SRRM4: variants seen among roughly 807,000 people sequenced by gnomAD.
SRRM4 encodes the protein serine/arginine repetitive matrix protein 4.
A neutral mutation model predicts 68.9 loss-of-function variants in SRRM4; 33 were observed. That is an observed-to-expected ratio of 0.48 (90% CI 0.36 to 0.64). The LOEUF is 0.64. SRRM4 is among the 30% of genes least tolerant of loss of function. The pLI is 0.00. For missense variants in SRRM4, 817 were observed against 827.1 expected (o/e 0.99, Z 0.15); for synonymous variants, 318 against 318.8 (o/e 1.00, Z 0.03).
chr12:119,094,427 T>C (rs762260899), intron 1 of SRRM4, among the ~76,000 whole-genome samples: 1 of 152,162 alleles, frequency 6.6e-6, no homozygotes, highest in Non-Finnish European at 1.5e-5. Context: ...AGGTGACCCA[T>C]GCACATGAAG....
At chr12:119,117,707 G>A (rs554645288) in intron 4 of SRRM4, among the ~76,000 whole-genome samples, 2 of 152,158 alleles carry the variant, frequency 1.3e-5, no homozygotes, top group South Asian at 2.1e-4. Context: ...AGGTCAGGAG[G>A]TCGAGACCAT....
intron 1 of SRRM4, among the ~76,000 whole-genome samples, chr12:119,032,300 G>T (rs527830120): frequency 1.3e-5 from 2 of 152,232 alleles, no homozygotes; most frequent in South Asian, 4.2e-4. Flanking sequence ...AATTCCGAGA[G>T]AAATTGTAAG....
chr12:119,060,270 C>T (rs1267104733), intron 1 of SRRM4, among the ~76,000 whole-genome samples: 5 of 151,390 alleles, frequency 3.3e-5, no homozygotes, highest in African/African-American at 9.7e-5. Context: ...TTACTCACTT[C>T]GGTGGACAGA....
chr12:119,039,792 C>T (rs530082948), intron 1 of SRRM4, among the ~76,000 whole-genome samples: 1 of 152,272 alleles, frequency 6.6e-6, no homozygotes, highest in East Asian at 1.9e-4. Flanking sequence ...GGACATTTGC[C>T]TTTGATACCT....
chr12:119,140,580 C>T (rs1954359026), intron 8 of SRRM4, among the ~76,000 whole-genome samples: 2 of 152,258 alleles, frequency 1.3e-5, no homozygotes, highest in African/African-American at 4.8e-5. Context: ...AACAAAGTCA[C>T]TATGCAGGCT....
At chr12:119,094,712 C>T (rs1592895829) in intron 1 of SRRM4, among the ~76,000 whole-genome samples, 1 of 152,358 alleles carries the variant, frequency 6.6e-6, no homozygotes, top group Non-Finnish European at 1.5e-5. Context: ...GTTAGGTGCC[C>T]TCTCTGTGGG....
intron 1 of SRRM4, among the ~76,000 whole-genome samples, chr12:119,002,237 T>A (rs990516171): frequency 3.0e-4 from 45 of 150,432 alleles, no homozygotes; most frequent in Middle Eastern, 3.4e-3. Context: ...AAAAAAAAAA[T>A]TTTTTTTCAA....
intron 8 of SRRM4, among the ~76,000 whole-genome samples, chr12:119,145,032 T>G (rs1341682214): frequency 3.3e-5 from 5 of 152,186 alleles, no homozygotes; most frequent in Non-Finnish European, 7.3e-5. Context: ...TGTTTTAGGT[T>G]AAGGGTGTTT....
chr12:119,057,012 A>C (rs79007699), intron 1 of SRRM4, among the ~76,000 whole-genome samples: 1,763 of 152,244 alleles, frequency 0.012, 36 homozygotes, highest in African/African-American at 0.041. Flanking sequence ...AAGCAACATT[A>C]CTCCCATTCA....
intron 1 of SRRM4, among the ~76,000 whole-genome samples, chr12:119,087,484 T>G (rs1045672711): frequency 6.6e-6 from 1 of 152,170 alleles, no homozygotes; most frequent in Non-Finnish European, 1.5e-5. Context: ...TTTATTGGAA[T>G]GAGAAATGAA....
rs528940459 is a variant in SRRM4 at position 119,081,982 on chromosome 12, A to G, written c.132-20254A>G. Among the ~76,000 whole-genome samples, 116 of 152,298 alleles carry G rather than the reference A, an allele frequency of 7.6e-4. 1 individual carries two copies. Among genetic ancestry groups the G allele is most frequent in the Admixed American group, 1.1e-3 (17 of 15,300 alleles). On this transcript the variant is annotated intron_variant, in intron 1 of 12. Coordinates refer to ENST00000267260, the MANE Select transcript of SRRM4 (RefSeq NM_194286.4). ...TCTCAAATTTTAGTCTTTAATAATCATTAGTAGCAAAGCCATGACAGAGCT... is the reference window on the plus strand; with the variant it reads ...TCTCAAATTTTAGTCTTTAATAATCGTTAGTAGCAAAGCCATGACAGAGCT...
At chr12:119,040,586 T>C (rs2136011344) in intron 1 of SRRM4, among the ~76,000 whole-genome samples, 1 of 152,340 alleles carries the variant, frequency 6.6e-6, no homozygotes, top group East Asian at 1.9e-4. Context: ...AGTTTCTTTA[T>C]CCATTCGTTG....
intron 1 of SRRM4, among the ~76,000 whole-genome samples, chr12:119,041,835 A>C (rs369595426): frequency 1.6e-4 from 24 of 152,158 alleles, no homozygotes; most frequent in African/African-American, 5.6e-4. Context: ...GGTGATGAGC[A>C]TTCTCAGTGA....
chr12:118,982,239 C>T lies in SRRM4; in HGVS notation c.131+226C>T, dbSNP rs1053040946. Among the ~76,000 whole-genome samples the T allele has an allele frequency of 1.9e-4, 29 of 152,254 alleles. 1 individual carries two copies. Among genetic ancestry groups the T allele is most frequent in the Non-Finnish European group, 3.4e-4 (23 of 68,024 alleles). On this transcript the variant is annotated intron_variant, in intron 1 of 12. Coordinates refer to ENST00000267260, the MANE Select transcript of SRRM4 (RefSeq NM_194286.4). The stretch of plus-strand genomic sequence containing the variant: ...GGGAAAGCAACGCTTATTGGACCCC[C>T]GTAGCTCCTATTCAAGAGGTTTTGC...
At chr12:118,991,301 A>G (rs923528109) in intron 1 of SRRM4, among the ~76,000 whole-genome samples, 6 of 152,172 alleles carry the variant, frequency 3.9e-5, no homozygotes, top group African/African-American at 1.2e-4. Flanking sequence ...ACATGCTGCT[A>G]GGAAAGCTCT....
chr12:119,085,461 G>C (rs1278187403), intron 1 of SRRM4, among the ~76,000 whole-genome samples: 2 of 152,222 alleles, frequency 1.3e-5, no homozygotes, highest in Non-Finnish European at 2.9e-5. Context: ...GCATCTAGCA[G>C]AAAGAACAAA....
At chr12:119,087,927 G>A (rs933095725) in intron 1 of SRRM4, among the ~76,000 whole-genome samples, 4 of 152,076 alleles carry the variant, frequency 2.6e-5, no homozygotes, top group African/African-American at 4.8e-5. Context: ...ATCTAAAAAC[G>A]ACTCTTACAA....
chr12:118,999,667 C>G (rs567649358), intron 1 of SRRM4, among the ~76,000 whole-genome samples: 1 of 152,196 alleles, frequency 6.6e-6, no homozygotes, highest in East Asian at 1.9e-4. Context: ...CTTATTAAAG[C>G]CTTATAATGC....
intron 8 of SRRM4, among the ~76,000 whole-genome samples, chr12:119,137,983 A>G (rs1954341508): frequency 6.6e-6 from 1 of 152,022 alleles, no homozygotes; most frequent in Non-Finnish European, 1.5e-5. Context: ...TCACAGAGGG[A>G]TCAGAGTGGC....
Sources: allele counts gnomAD v4.1 joint callset (sites outside exome capture counted in the v4.1 genomes callset), GRCh38; gene constraint gnomAD v4.1.1; transcripts MANE v1.5; gene names NCBI Gene and HGNC (gene_info 2026-07-23, HGNC 2026-07-21).